The following DDX51 variants were observed in gnomAD, a reference collection of about 807,000 sequenced individuals.
DDX51 encodes the protein DEAD-box helicase 51.
In DDX51, 67 loss-of-function variants were observed where a neutral mutation model predicts 74.6. That is an observed-to-expected ratio of 0.90 (90% CI 0.74 to 1.10). DDX51 has a LOEUF of 1.10. DDX51 is among the 50% of genes least tolerant of loss of function. DDX51 has a pLI of 0.00. For missense variants in DDX51, 1,056 were observed against 905.2 expected (o/e 1.17, Z -2.14); for synonymous variants, 545 against 402.9 (o/e 1.35, Z -4.22).
intron 2 of DDX51, chr12:132,143,171 C>T: frequency 2.2e-6 from 1 of 460,156 alleles, no homozygotes; most frequent in Non-Finnish European, 4.0e-6. Flanking sequence ...ACGCCGGCGT[C>T]CCTGCCTCGA....
In DDX51 at chr12:132,137,864, C is replaced by T. The variant is rs1897309333; in HGVS notation, c.*1408G>A. 6.6e-6 allele frequency: 1 copy of T among 151,518 alleles called. No homozygotes were observed. The highest frequency in any genetic ancestry group is 2.4e-5 in the African/African-American group (1 of 40,850). The allele number at this position is 151,518 out of a possible 1,614,324, so 9.4% of individuals were successfully genotyped here. A position where few individuals can be genotyped will look rare whatever the true frequency, so the allele number is the denominator to read the frequency against. On this transcript the variant is annotated 3_prime_UTR_variant, in exon 15 of 15. Transcript: ENST00000397333. Reference sequence around the variant, plus strand: ...CCCCAAAACAAACCCACACACTGGCCACTGTGTCCCCAGCCCCAACCCCCA... The same window carrying T: ...CCCCAAAACAAACCCACACACTGGCTACTGTGTCCCCAGCCCCAACCCCCA...
At position 132,139,233 on chromosome 12, in the gene DDX51, T is replaced by G. The variant is rs1420846647; in HGVS notation, c.*39A>C. On this transcript the variant is annotated 3_prime_UTR_variant, in exon 15 of 15. Coordinates refer to ENST00000397333, the MANE Select transcript of DDX51 (RefSeq NM_175066.4). ...CACTGCTCTGGAAGGAGGGTCAGGG[T>G]GGTGAGCGTTCAGTCCCTCCGGCCC... is the stretch of plus-strand genomic sequence containing the variant. 6.2e-7 allele frequency: 1 copy of G among 1,601,274 alleles called. No homozygotes were observed. Among genetic ancestry groups the G allele is most frequent in the Admixed American group, 1.7e-5 (1 of 59,104 alleles).
intron 13 of DDX51, 35 bp from the exon 14 acceptor site, chr12:132,139,804 G>C (rs1482006914): frequency 1.1e-5 from 18 of 1,612,726 alleles, no homozygotes; most frequent in Admixed American, 1.7e-5. Context: ...GGGGTTCTTG[G>C]GCCAGCCCCT....
chr12:132,137,887 C>A lies in DDX51; in HGVS notation c.*1385G>T, dbSNP rs1282567209. 2 of 130,436 alleles carry A rather than the reference C, an allele frequency of 1.5e-5. No homozygotes were observed. Among genetic ancestry groups the A allele is most frequent in the East Asian group, 4.5e-4 (2 of 4,478 alleles). 8.1% of individuals were successfully genotyped at this position (130,436 alleles called of 1,614,324 possible). On this transcript the variant is annotated 3_prime_UTR_variant, in exon 15 of 15. Transcript: ENST00000397333. ...GCCACTGTGTCCCCAGCCCCAACCC[C>A]CACCAACTCCCGGCCCCGGCACCCT...
In DDX51 at chr12:132,141,529, G is replaced by A. The variant is rs1237729246; in HGVS notation, c.1073C>T (p.Pro358Leu). 3 of 1,602,324 alleles carry A rather than the reference G, an allele frequency of 1.9e-6. No homozygotes were observed. In the African/African-American group the frequency reaches 4.0e-5, roughly 21 times the overall value. Residue 358 changes from proline (P) to leucine (L), a missense_variant, in exon 7 of 15, where the codon CCA (proline) becomes CTA (leucine). Pro to Leu is a moderately conservative substitution (Grantham distance 98). Transcript: ENST00000397333. Reference sequence around the variant, plus strand: ...GCGGAGCTGCTGGAGGCTGAATCCTGGGGTCTGGTCGATGTGGTCCACCAG... The same window carrying A: ...GCGGAGCTGCTGGAGGCTGAATCCTAGGGTCTGGTCGATGTGGTCCACCAG... Reference protein sequence around the residue: ...GRLVDHIDQTPGFSLQQLRFL... With the variant: ...GRLVDHIDQTLGFSLQQLRFL...
rs910888744 is a variant in DDX51, at chr12:132,141,034, G to A, written c.1251-14C>T. ...GGACAGCAGGTGCTGGAAGAGAAGGGGGTGTTGCTGGCACCCTACCAGTGG... is the reference window on the plus strand; with the variant it reads ...GGACAGCAGGTGCTGGAAGAGAAGGAGGTGTTGCTGGCACCCTACCAGTGG... On this transcript the variant is annotated splice_polypyrimidine_tract_variant and intron_variant, in intron 8 of 14. Transcript: ENST00000397333. 8 of 1,581,480 alleles carry A rather than the reference G, an allele frequency of 5.1e-6. No individual in the cohort carries two copies. Among genetic ancestry groups the A allele is most frequent in the East Asian group, 2.2e-5 (1 of 44,640 alleles).
In DDX51 at chr12:132,139,062, GA is replaced by G; in HGVS notation, c.*209del. ...GCAGCCATCCTGACCTCCACACTCT[GA>G]AAGTGACAAGCCCTGAAGTCTCCAG... On this transcript the variant is annotated 3_prime_UTR_variant, in exon 15 of 15. Transcript: ENST00000397333. 1 of 655,966 alleles carries G rather than the reference GA, an allele frequency of 1.5e-6. No individual in the cohort carries two copies. The highest frequency in any genetic ancestry group is 2.6e-6 in the Non-Finnish European group (1 of 390,944). 40.6% of individuals were successfully genotyped at this position (655,966 alleles called of 1,614,324 possible).
rs1224050206 is a variant in DDX51 at position 132,142,803 on chromosome 12, T to C, written c.595A>G (p.Ile199Val). ...GGATGGACGTCAGGGATGTCCTCGA[T>C]AGGAACCAGGTCTTCGGTGACATTC... ...RRNVTEDLVP[I>V]EDIPDVHPDL... Residue 199 changes from isoleucine to valine, a missense_variant, in exon 3 of 15, where the codon ATC becomes GTC. Ile to Val is a conservative substitution (Grantham distance 29). Transcript: ENST00000397333. The C allele has an allele frequency of 6.2e-7, 1 of 1,612,944 alleles. No homozygotes were observed. Among genetic ancestry groups the C allele is most frequent in the Non-Finnish European group, 8.5e-7 (1 of 1,180,014 alleles).
At chr12:132,141,157 G>C (rs543622989) in intron 8 of DDX51, 118 bp downstream of exon 8, 19 of 1,491,024 alleles carry the variant, frequency 1.3e-5, no homozygotes, top group Admixed American at 8.6e-5. Flanking sequence ...GTGACAGTAC[G>C]ATGCGGTTCT....
At chr12:132,139,453 G>T in intron 14 of DDX51, 155 bp from the exon 15 acceptor site, 1 of 1,519,338 alleles carries the variant, frequency 6.6e-7, no homozygotes, top group Non-Finnish European at 9.1e-7. Flanking sequence ...GGTGCCACGT[G>T]TTTCCACCAC....
chr12:132,141,969 T>A lies in DDX51; in HGVS notation c.889-13A>T. ...AAACTTTGCTCACCTGCAGGAGAAG[T>A]CTGTCACTGGCCTGGAGGTAGCTGG... On this transcript the variant is annotated splice_polypyrimidine_tract_variant and intron_variant, in intron 5 of 14. Transcript: ENST00000397333. 1 of 1,612,230 alleles carries A rather than the reference T, an allele frequency of 6.2e-7. No individual in the cohort carries two copies. The highest frequency in any genetic ancestry group is 8.5e-7 in the Non-Finnish European group (1 of 1,179,356).
rs1897278868 is a variant in DDX51 at position 132,137,108 on chromosome 12, A to G, written c.*2164T>C. 2 of 152,140 alleles carry G rather than the reference A, an allele frequency of 1.3e-5. No individual in the cohort carries two copies. Among genetic ancestry groups the G allele is most frequent in the Admixed American group, 6.5e-5 (1 of 15,276 alleles). The allele number at this position is 152,140 out of a possible 1,614,324, so 9.4% of individuals were successfully genotyped here. A position where few individuals can be genotyped will look rare whatever the true frequency, so the allele number is the denominator to read the frequency against. The stretch of plus-strand genomic sequence containing the variant: ...GACTCAGTCTGTGCTGCTCTGTGAC[A>G]CTTTTCTGCGAGGGTCTCTGGGTCT... On this transcript the variant is annotated 3_prime_UTR_variant, in exon 15 of 15. Transcript: ENST00000397333.
Position 132,143,928 on chromosome 12 carries a change from C to T in DDX51, c.305-19G>A. 2.0e-6 allele frequency: 3 copies of T among 1,510,836 alleles called. No homozygotes were observed. The highest frequency in any genetic ancestry group is 8.8e-7 in the Non-Finnish European group (1 of 1,136,978). 93.6% of individuals were successfully genotyped at this position (1,510,836 alleles called of 1,614,324 possible). ...TTGCTTTCTGCGAGGCAGACACCCA[C>T]CCGGCAGCGCGTCAGCACCGAGTCG... is the stretch of plus-strand genomic sequence containing the variant. On this transcript the variant is annotated intron_variant, in intron 1 of 14. Coordinates refer to ENST00000397333, the MANE Select transcript of DDX51 (RefSeq NM_175066.4).
rs1897355205 is a variant in DDX51, at chr12:132,139,190, A to G, written c.*82T>C. The G allele has an allele frequency of 6.5e-7, 1 of 1,540,740 alleles. No homozygotes were observed. The highest frequency in any genetic ancestry group is 8.8e-7 in the Non-Finnish European group (1 of 1,139,340). On this transcript the variant is annotated 3_prime_UTR_variant, in exon 15 of 15. Coordinates refer to ENST00000397333, the MANE Select transcript of DDX51 (RefSeq NM_175066.4). ...CACTGGGGGATTCCTTTCCTCACAT[A>G]CAGGATCCAGTGATCAGCACTGCTC...
chr12:132,143,638 A>AGAATCCG, intron 2 of DDX51, 57 bp downstream of exon 2: 1 of 1,527,922 alleles, frequency 6.5e-7, no homozygotes, highest in Non-Finnish European at 8.8e-7. Context: ...GCCGCACTTA[A>AGAATCCG]GAATCCGCGC....
intron 2 of DDX51, chr12:132,143,277 G>C (rs1412037849): frequency 1.2e-5 from 5 of 404,218 alleles, no homozygotes; most frequent in African/African-American, 8.3e-5. Context: ...CCCTACCTAA[G>C]GTGCCCGAGC....
chr12:132,142,383 G>C lies in DDX51; in HGVS notation c.710C>G (p.Ala237Gly). The C allele has an allele frequency of 2.5e-6, 4 of 1,612,892 alleles. No homozygotes were observed. The highest frequency in any genetic ancestry group is 3.4e-6 in the Non-Finnish European group (4 of 1,179,996). Reference protein sequence around the residue: ...AVIPALLESAACGFLVGRGGY... With the variant: ...AVIPALLESAGCGFLVGRGGY... ...ACCTCTGCCCACCAGAAACCCACAG[G>C]CTGCGCTCTCCAGGAGGGCAGGAAT... Residue 237 changes from alanine to glycine, a missense_variant, in exon 4 of 15, where the codon GCC (alanine) becomes GGC (glycine). Coordinates refer to ENST00000397333, the MANE Select transcript of DDX51 (RefSeq NM_175066.4).
intron 11 of DDX51, 111 bp downstream of exon 11, chr12:132,140,312 G>A (rs1897397519): frequency 6.4e-6 from 10 of 1,557,180 alleles, no homozygotes; most frequent in African/African-American, 1.4e-5. Context: ...CCATGGGGCT[G>A]GGGCACAGGA....
Position 132,139,033 on chromosome 12 carries a change from G to A in DDX51, c.*239C>T. 1.8e-6 allele frequency: 1 copy of A among 550,360 alleles called. No homozygotes were observed. The allele number at this position is 550,360 out of a possible 1,614,324, so 34.1% of individuals were successfully genotyped here. On this transcript the variant is annotated 3_prime_UTR_variant, in exon 15 of 15. Coordinates refer to ENST00000397333, the MANE Select transcript of DDX51 (RefSeq NM_175066.4). ...TTCACCGTTTTACTAAGGCTTCATT[G>A]CCCGCAGCCATCCTGACCTCCACAC...
Sources: gnomAD v4.1 joint callset for allele counts on GRCh38, gnomAD v4.1.1 for gene constraint, MANE v1.5 for transcripts, NCBI Gene and HGNC (gene_info 2026-07-23, HGNC 2026-07-21) for gene names.